The following TTC6 variants were observed in gnomAD, a reference collection of about 807,000 sequenced individuals.
The protein encoded by TTC6 is tetratricopeptide repeat protein 6.
In TTC6, 172 loss-of-function variants were observed where a neutral mutation model predicts 210.4. That is an observed-to-expected ratio of 0.82 (90% CI 0.72 to 0.93). The LOEUF (loss-of-function observed/expected upper bound fraction) is 0.93. Among genes scored for constraint, TTC6 ranks in the 40% least tolerant of loss-of-function variants. The pLI, the probability that TTC6 is intolerant of heterozygous loss-of-function variation, is 0.00. For missense variants in TTC6, 2,414 were observed against 2,318.1 expected (o/e 1.04, Z -0.85); for synonymous variants, 804 against 819.6 (o/e 0.98, Z 0.32).
chr14:37,787,241 T>A (rs2096069921), intron 14 of TTC6, among the ~76,000 whole-genome samples: 2 of 152,220 alleles, frequency 1.3e-5, no homozygotes, highest in Admixed American at 6.5e-5. Flanking sequence ...ATAATTAATA[T>A]GTAGAATGTA....
At chr14:37,637,788 A>G (rs1446209937) in intron 1 of TTC6, among the ~76,000 whole-genome samples, 1 of 152,210 alleles carries the variant, frequency 6.6e-6, no homozygotes, top group Non-Finnish European at 1.5e-5. Flanking sequence ...GTCACTGCAC[A>G]ACTACCAGAA....
intron 2 of TTC6, among the ~76,000 whole-genome samples, chr14:37,617,023 T>G (rs547749903): frequency 6.6e-6 from 1 of 152,152 alleles, no homozygotes; most frequent in Non-Finnish European, 1.5e-5. Flanking sequence ...ACCAGAGGCA[T>G]GTACCAACAT....
At chr14:37,836,660 C>T (rs1226994343) in intron 29 of TTC6, among the ~76,000 whole-genome samples, 1 of 152,114 alleles carries the variant, frequency 6.6e-6, no homozygotes, top group East Asian at 1.9e-4. Flanking sequence ...AGTGCACACT[C>T]CCTCCAGAGA....
At chr14:37,595,685 C>G (rs1813255001), upstream of TTC6, among the ~76,000 whole-genome samples, 1 of 152,132 alleles carries the variant, frequency 6.6e-6, no homozygotes, top group African/African-American at 2.4e-5. Context: ...TGTGGGATAA[C>G]TGACCCCGGG....
At chr14:37,603,226 G>A (rs1286957650) in intron 1 of TTC6, among the ~76,000 whole-genome samples, 1 of 152,186 alleles carries the variant, frequency 6.6e-6, no homozygotes, top group African/African-American at 2.4e-5. Context: ...ATATGCTAGG[G>A]AACCCAGCCA....
chr14:37,751,147 A>T (rs1161885867), exon 13 of TTC6: 1 of 1,533,396 alleles, frequency 6.5e-7, no homozygotes, highest in East Asian at 2.5e-5. Context: ...CCACGCCCAC[A>T]GATGCTGATA....
Position 37,758,440 on chromosome 14 carries a change from C to T in TTC6, c.3266+5205C>T, listed in dbSNP as rs182252709. Among the ~76,000 whole-genome samples, 232 of 152,154 alleles carry T rather than the reference C, an allele frequency of 1.5e-3. 1 individual carries two copies. The highest frequency in any genetic ancestry group is 5.3e-3 in the African/African-American group (222 of 41,528). On this transcript the variant is annotated intron_variant, in intron 14 of 30. Coordinates refer to ENST00000553443, the Ensembl canonical transcript of TTC6. ...AAGTGATCACTTTACCATTATGTAA[C>T]GGCCTTCTTTGTCTTTTTTGATCTT...
At chr14:37,621,692 A>C (rs1432375517), upstream of TTC6, among the ~76,000 whole-genome samples, 1 of 152,146 alleles carries the variant, frequency 6.6e-6, no homozygotes. Flanking sequence ...TGTGACCTTT[A>C]TTCTGTTGTA....
At chr14:37,832,329 C>CTTTTTTTTTTTTTT (rs58133834) in intron 29 of TTC6, among the ~76,000 whole-genome samples, 5 of 68,916 alleles carry the variant, frequency 7.3e-5, no homozygotes, top group African/African-American at 1.7e-4. Context: ...TTCTTTCTCT[C>CTTTTTTTTTTTTTT]TTTTTTTTTT....
exon 1 of TTC6, chr14:37,622,742 C>A (rs1398531158): frequency 6.5e-7 from 1 of 1,535,058 alleles, no homozygotes; most frequent in Admixed American, 2.0e-5. Context: ...AAGTGAGGAT[C>A]CGCAGCAACT....
chr14:37,751,014 G>T, intron 12 of TTC6, 39 bp from the exon 15 acceptor site: 1 of 1,396,970 alleles, frequency 7.2e-7, no homozygotes, highest in South Asian at 1.4e-5. Context: ...GGAATGAAAG[G>T]ATTATAACTC....
chr14:37,622,189 C>T (rs963266904), exon 1 of TTC6: 4 of 1,535,462 alleles, frequency 2.6e-6, no homozygotes, highest in Non-Finnish European at 2.6e-6. Context: ...AAGTTGGCCT[C>T]CAAGCCGGCT....
intron 1 of TTC6, among the ~76,000 whole-genome samples, chr14:37,648,028 G>C (rs746071234): frequency 6.6e-6 from 1 of 151,854 alleles, no homozygotes; most frequent in Non-Finnish European, 1.5e-5. Context: ...ACACACACAC[G>C]TTCACACCCC....
chr14:37,745,540 A>T (rs1208492068), intron 10 of TTC6, among the ~76,000 whole-genome samples: 1 of 152,146 alleles, frequency 6.6e-6, no homozygotes, highest in Non-Finnish European at 1.5e-5. Context: ...TTATTCCGTT[A>T]TTACATGTAT....
At chr14:37,792,227 A>G (rs2096081484) in intron 16 of TTC6, 37 bp from the exon 19 acceptor site, 1 of 1,432,834 alleles carries the variant, frequency 7.0e-7, no homozygotes. Flanking sequence ...ATAATTAAAA[A>G]TGTTTAACAA....
chr14:37,735,434 C>T (rs529428176), intron 7 of TTC6, among the ~76,000 whole-genome samples: 59 of 152,190 alleles, frequency 3.9e-4, no homozygotes, highest in African/African-American at 1.3e-3. Flanking sequence ...TTTACTCTTA[C>T]AACAATAAAT....
chr14:37,750,306 G>C (rs1019156730), intron 12 of TTC6, among the ~76,000 whole-genome samples: 1 of 152,086 alleles, frequency 6.6e-6, no homozygotes, highest in Non-Finnish European at 1.5e-5. Context: ...ATGTGAAAAT[G>C]TGATATTCAC....
chr14:37,807,296 CT>C, intron 22 of TTC6, 23 bp from the exon 25 acceptor site: 2 of 1,486,182 alleles, frequency 1.3e-6, no homozygotes, highest in Non-Finnish European at 1.8e-6. Context: ...TCCATTCCTG[CT>C]TTCTCTCTCT....
rs116607492 is a variant in TTC6, at chr14:37,773,917, G to A, written c.3267-13551G>A. On this transcript the variant is annotated intron_variant, in intron 14 of 30. Transcript: ENST00000553443. ...TGGAATGTTTTTTTCGTTTGTTTGT[G>A]GTCATCTCTGATTCCTTTGAGCAGT... is the stretch of plus-strand genomic sequence containing the variant. 4.1e-3 allele frequency among the ~76,000 whole-genome samples: 630 copies of A among 151,986 alleles called. 6 individuals carry two copies. Among genetic ancestry groups the A allele is most frequent in the African/African-American group, 0.014 (588 of 41,494 alleles).
Sources: gnomAD v4.1 joint callset for allele counts (sites outside exome capture counted in the v4.1 genomes callset) on GRCh38, gnomAD v4.1.1 for gene constraint, MANE v1.5 for transcripts, NCBI Gene and HGNC (gene_info 2026-07-23, HGNC 2026-07-21) for gene names.